FKBP8: variants seen among roughly 807,000 people sequenced by gnomAD.
FKBP8 encodes the protein FKBP prolyl isomerase 8, also known as peptidyl-prolyl cis-trans isomerase FKBP8.
In FKBP8, 5 loss-of-function variants were observed where a neutral mutation model predicts 41.7. The ratio of observed to expected loss-of-function variants is 0.12; its 90% CI spans 0.06 to 0.25. FKBP8 has a LOEUF of 0.25. FKBP8 is among the 10% of genes least tolerant of loss of function. The pLI, the probability that FKBP8 is intolerant of heterozygous loss-of-function variation, is 1.00. For missense variants in FKBP8, 397 were observed against 563.0 expected (o/e 0.71, Z 2.98); for synonymous variants, 279 against 254.5 (o/e 1.10, Z -0.92).
chr19:18,533,113 A>C (rs1600527690), intron 7 of FKBP8, 157 bp downstream of exon 7: 1 of 726,920 alleles, frequency 1.4e-6, no homozygotes. Context: ...GGCCGTCATG[A>C]GGGTCTTCAC....
Position 18,538,584 on chromosome 19 carries a change from G to A in FKBP8, c.552-148C>T, listed in dbSNP as rs1002103945. 3 of 669,882 alleles carry A rather than the reference G, an allele frequency of 4.5e-6. No individual in the cohort carries two copies. The highest frequency in any genetic ancestry group is 7.4e-6 in the Non-Finnish European group (3 of 405,010). The allele number at this position is 669,882 out of a possible 1,614,324, so 41.5% of individuals were successfully genotyped here. A position where few individuals can be genotyped will look rare whatever the true frequency, so the allele number is the denominator to read the frequency against. On this transcript the variant is annotated intron_variant, in intron 4 of 8. Coordinates refer to ENST00000608443, the MANE Select transcript of FKBP8 (RefSeq NM_012181.5). The surrounding 1 kb of genome is among the most constrained non-coding windows in gnomAD (Gnocchi z 4.0). ...ATTCCCTCCTCAGTAAAGTGCAGGGGAAGTGACTTGCCGCCTTGGAGCTGC... is the reference window on the plus strand; with the variant it reads ...ATTCCCTCCTCAGTAAAGTGCAGGGAAAGTGACTTGCCGCCTTGGAGCTGC...
At chr19:18,533,212 A>G in intron 7 of FKBP8, 58 bp downstream of exon 7, 1 of 1,450,038 alleles carries the variant, frequency 6.9e-7, no homozygotes, top group Non-Finnish European at 9.3e-7. Flanking sequence ...GACCTGGGGC[A>G]GACCGCAGGA....
At chr19:18,541,214 C>T (rs1348966338) in intron 2 of FKBP8, among the ~76,000 whole-genome samples, 1 of 152,106 alleles carries the variant, frequency 6.6e-6, no homozygotes, top group African/African-American at 2.4e-5. Context: ...CTACTGTGAA[C>T]CAACCAGAAG....
rs962206697 is a variant in FKBP8 at position 18,538,234 on chromosome 19, T to C, written c.754A>G (p.Ile252Val). 2 of 1,609,648 alleles carry C rather than the reference T, an allele frequency of 1.2e-6. No homozygotes were observed. The highest frequency in any genetic ancestry group is 1.3e-5 in the African/African-American group (1 of 74,974). The stretch of plus-strand genomic sequence containing the variant: ...CGGTCACCTTTGGCGCTGGAGGTGA[T>C]AGCCTTGATGGCGAGGTCGTAGGAG... ...ANSYDLAIKA[I>V]TSSAKVDMTF... is the part of the protein sequence containing the mutation. Residue 252 changes from isoleucine to valine, a missense_variant, in exon 5 of 9, where the codon ATC becomes GTC. Physicochemically the swap from Ile to Val is conservative, Grantham distance 29 (BLOSUM62 3). Around this residue, in one of 2 missense-constraint regions of FKBP8, gnomAD observed 225 missense variants for 366.8 expected, o/e 0.61. Coordinates refer to ENST00000608443, the MANE Select transcript of FKBP8 (RefSeq NM_012181.5). The surrounding 1 kb of genome is among the most constrained non-coding windows in gnomAD (Gnocchi z 4.0).
chr19:18,533,555 A>C (rs1976497365), intron 6 of FKBP8, among the ~76,000 whole-genome samples: 1 of 152,148 alleles, frequency 6.6e-6, no homozygotes, highest in African/African-American at 2.4e-5. Context: ...AAATACAAAA[A>C]TTAGCCAGGC....
At position 18,537,315 on chromosome 19, in the gene FKBP8, TG is replaced by T. The variant is rs374384943; in HGVS notation, c.945+285del. On this transcript the variant is annotated intron_variant, in intron 6 of 8. Transcript: ENST00000608443. The surrounding 1 kb of genome is among the most constrained non-coding windows in gnomAD (Gnocchi z 4.4). ...GAGATCACACCACTGCACTCCAGCCTGGGTGACAGAGTGAGACTCTGTCTCA... is the reference window on the plus strand; with the variant it reads ...GAGATCACACCACTGCACTCCAGCCTGGTGACAGAGTGAGACTCTGTCTCA... 0.051 allele frequency among the ~76,000 whole-genome samples: 7,721 copies of T among 152,044 alleles called. 634 individuals carry two copies. Among genetic ancestry groups the T allele is most frequent in the African/African-American group, 0.17 (7,215 of 41,394 alleles).
Position 18,539,379 on chromosome 19 carries a change from G to A in FKBP8, c.543C>T (p.Pro181=). 6.2e-7 allele frequency: 1 copy of A among 1,612,664 alleles called. No homozygotes were observed. The highest frequency in any genetic ancestry group is 2.2e-5 in the East Asian group (1 of 44,876). The part of the protein sequence containing the change: ...VTADSKYCYG[P]QGSRSPYIPP... ...GGGTGGCTGACTCTCACCTGCCTTGGGGGCCGTAGCAGTACTTGGAGTCAG... is the reference window on the plus strand; with the variant it reads ...GGGTGGCTGACTCTCACCTGCCTTGAGGGCCGTAGCAGTACTTGGAGTCAG... The change falls in exon 4 of 9, where the codon CCC becomes CCT. Residue 181 remains proline (P), a synonymous_variant. Transcript: ENST00000608443.
intron 8 of FKBP8, 157 bp downstream of exon 8, chr19:18,532,507 C>T (rs1009055098): frequency 1.9e-5 from 23 of 1,197,440 alleles, no homozygotes; most frequent in East Asian, 2.5e-5. Context: ...GTTCCACCTT[C>T]GACTCCACTC....
At position 18,538,529 on chromosome 19, in the gene FKBP8, C is replaced by T. The variant is rs554084617; in HGVS notation, c.552-93G>A. On this transcript the variant is annotated intron_variant, in intron 4 of 8. Coordinates refer to ENST00000608443, the MANE Select transcript of FKBP8 (RefSeq NM_012181.5). This position sits in a 1 kb window ranked among gnomAD's most constrained non-coding sequence, Gnocchi z 4.0. Reference sequence around the variant, plus strand: ...AGGAAGGAGTGAGCTTGGCTCAAGCCCCCGATCTGTCTCCCCTCTGCCCTC... The same window carrying T: ...AGGAAGGAGTGAGCTTGGCTCAAGCTCCCGATCTGTCTCCCCTCTGCCCTC... 2.9e-6 allele frequency: 3 copies of T among 1,044,748 alleles called. No individual in the cohort carries two copies. The highest frequency in any genetic ancestry group is 4.1e-6 in the Non-Finnish European group (3 of 724,590). 64.7% of individuals were successfully genotyped at this position (1,044,748 alleles called of 1,614,324 possible).
At position 18,537,574 on chromosome 19, in the gene FKBP8, C is replaced by T. The variant is rs1002974778; in HGVS notation, c.945+27G>A. The T allele has an allele frequency of 6.4e-7, 1 of 1,558,180 alleles. No individual in the cohort carries two copies. On this transcript the variant is annotated intron_variant, in intron 6 of 8. Transcript: ENST00000608443. This position sits in a 1 kb window ranked among gnomAD's most constrained non-coding sequence, Gnocchi z 4.4. ...CCCCGTATACCCCAGGCTGAGTGAC[C>T]CGGCCTGGCACCCCGGTGTGGCCTA... is the stretch of plus-strand genomic sequence containing the variant.
chr19:18,542,983 C>T (rs1323645886), intron 1 of FKBP8: 1 of 995,280 alleles, frequency 1.0e-6, no homozygotes, highest in African/African-American at 1.9e-5. Context: ...GGCCTCCCCT[C>T]CCACCCCCCA....
chr19:18,533,446 C>A, intron 6 of FKBP8, 99 bp from the exon 7 acceptor site: 1 of 776,826 alleles, frequency 1.3e-6, no homozygotes, highest in Non-Finnish European at 2.0e-6. Flanking sequence ...GATGGTGTCA[C>A]TGCACTCCAG....
chr19:18,538,807 G>A lies in FKBP8; in HGVS notation c.552-371C>T, dbSNP rs1218145667. Reference sequence around the variant, plus strand: ...GGACTACAGGTGTGCACCACACCCAGCTTTTTTTTTTTTTTTTTTTTTTTT... The same window carrying A: ...GGACTACAGGTGTGCACCACACCCAACTTTTTTTTTTTTTTTTTTTTTTTT... On this transcript the variant is annotated intron_variant, in intron 4 of 8. Coordinates refer to ENST00000608443, the MANE Select transcript of FKBP8 (RefSeq NM_012181.5). This position sits in a 1 kb window ranked among gnomAD's most constrained non-coding sequence, Gnocchi z 4.0. Among the ~76,000 whole-genome samples, 3 of 132,258 alleles carry A rather than the reference G, an allele frequency of 2.3e-5. No individual in the cohort carries two copies. Among genetic ancestry groups the A allele is most frequent in the African/African-American group, 3.2e-5 (1 of 31,288 alleles). The allele number at this position is 132,258 out of a possible 152,430, so 86.8% of individuals were successfully genotyped here.
chr19:18,533,772 C>T (rs1219483954), intron 6 of FKBP8, among the ~76,000 whole-genome samples: 2 of 151,500 alleles, frequency 1.3e-5, no homozygotes, highest in East Asian at 1.9e-4. Context: ...TTTGGGAGGC[C>T]GAGGCGGGCG....
chr19:18,534,341 C>T (rs1368237375), intron 6 of FKBP8, among the ~76,000 whole-genome samples: 1 of 152,124 alleles, frequency 6.6e-6, no homozygotes, highest in African/African-American at 2.4e-5. Flanking sequence ...AACAGCCAGG[C>T]TCCTGGCTAC....
At chr19:18,542,887 C>T (rs1375142040) in intron 1 of FKBP8, 45 of 1,283,524 alleles carry the variant, frequency 3.5e-5, no homozygotes, top group Non-Finnish European at 4.5e-5. Flanking sequence ...CTAACCCTCA[C>T]CTGCCTGCTC....
At chr19:18,540,750 T>C (rs1234860240) in intron 2 of FKBP8, among the ~76,000 whole-genome samples, 1 of 152,040 alleles carries the variant, frequency 6.6e-6, no homozygotes, top group African/African-American at 2.4e-5. Context: ...TGGGCACCTG[T>C]AGTCCCAGCT....
chr19:18,532,357 TTGCC>T, intron 8 of FKBP8, 102 bp from the exon 9 acceptor site: 2 of 1,162,620 alleles, frequency 1.7e-6, no homozygotes, highest in South Asian at 2.6e-5. Flanking sequence ...CAACAAATCA[TTGCC>T]TGACTATGTA....
chr19:18,543,270 G>T (rs1202705548), intron 1 of FKBP8: 1 of 85,920 alleles, frequency 1.2e-5, no homozygotes, highest in Admixed American at 1.3e-4. Flanking sequence ...CCCCCCACTG[G>T]ATCCCCTTTG....
Sources: gnomAD v4.1 joint callset for allele counts (sites outside exome capture counted in the v4.1 genomes callset) on GRCh38, gnomAD v4.1.1 for gene constraint, gnomAD v4.1.1 regional missense constraint, Gnocchi (gnomAD v3.1) non-coding constraint, MANE v1.5 for transcripts, NCBI Gene and HGNC (gene_info 2026-07-23, HGNC 2026-07-21) for gene names.